Variants in CSNK1A1 observed in about 807,000 individuals in gnomAD.
CSNK1A1 encodes the protein casein kinase I isoform alpha.
CSNK1A1 carries 7 observed loss-of-function variants against 46.1 expected under a neutral mutation model. The ratio of observed to expected loss-of-function variants is 0.15; its 90% CI spans 0.09 to 0.29. The LOEUF (loss-of-function observed/expected upper bound fraction) is 0.29, where lower values mean the gene tolerates loss of function less well. CSNK1A1 is among the 10% of genes least tolerant of loss of function. The probability of loss-of-function intolerance (pLI) is 1.00; values close to 1 mark genes in which losing one functional copy is unlikely to be tolerated. For synonymous variants in CSNK1A1, 137 were observed against 141.5 expected (o/e 0.97, Z 0.23); for missense variants, 96 against 417.1 (o/e 0.23, Z 6.71).
intron 2 of CSNK1A1, among the ~76,000 whole-genome samples, chr5:149,534,307 C>A (rs571018145): frequency 1.1e-3 from 171 of 151,892 alleles, no homozygotes; most frequent in African/African-American, 4.0e-3. Flanking sequence ...CATGGTGAAA[C>A]CCCGTCTCTA....
chr5:149,497,407 C>A (rs1212626207), intron 9 of CSNK1A1: 1 of 985,732 alleles, frequency 1.0e-6, no homozygotes, highest in Non-Finnish European at 1.2e-6. Flanking sequence ...CTTTACCGGC[C>A]GCATTAGAAA....
intron 9 of CSNK1A1, chr5:149,498,453 T>C (rs1760724825): frequency 4.1e-6 from 4 of 985,386 alleles, no homozygotes; most frequent in Non-Finnish European, 4.8e-6. Flanking sequence ...TTAATAAAAA[T>C]CTGACTATAC....
intron 5 of CSNK1A1, 90 bp downstream of exon 5, chr5:149,512,980 C>T (rs2113092108): frequency 6.9e-7 from 1 of 1,459,506 alleles, no homozygotes; most frequent in Non-Finnish European, 9.4e-7. Context: ...AAGAAACATC[C>T]TTAGACATTG....
chr5:149,522,295 A>G (rs916660182), intron 3 of CSNK1A1, among the ~76,000 whole-genome samples: 5 of 151,646 alleles, frequency 3.3e-5, no homozygotes, highest in African/African-American at 4.8e-5. Context: ...TTTTTTGTGG[A>G]AAGGGGGGTA....
At chr5:149,506,968 G>C (rs1761053471) in intron 8 of CSNK1A1, 59 bp downstream of exon 8, 1 of 1,303,518 alleles carries the variant, frequency 7.7e-7, no homozygotes, top group African/African-American at 1.5e-5. Context: ...AATTTGTTAG[G>C]TAAATTTAAC....
At chr5:149,513,852 AC>A (rs1480384029) in intron 4 of CSNK1A1, among the ~76,000 whole-genome samples, 1 of 151,480 alleles carries the variant, frequency 6.6e-6, no homozygotes, top group Non-Finnish European at 1.5e-5. Context: ...GTGAGCCAAG[AC>A]CGCGTCACTG....
chr5:149,513,271 T>C (rs1015568286), intron 4 of CSNK1A1, 62 bp from the exon 5 acceptor site: 2 of 1,446,956 alleles, frequency 1.4e-6, no homozygotes, highest in South Asian at 2.5e-5. Context: ...CTGCGTCTTA[T>C]TCATTAAATG....
chr5:149,502,883 C>T, intron 9 of CSNK1A1: 3 of 620,894 alleles, frequency 4.8e-6, no homozygotes, highest in Non-Finnish European at 4.0e-6. Context: ...ATTCTCCTGC[C>T]TCAGCCTCCC....
chr5:149,514,200 T>C (rs1341206021), intron 4 of CSNK1A1, among the ~76,000 whole-genome samples: 2 of 152,156 alleles, frequency 1.3e-5, no homozygotes, highest in East Asian at 3.9e-4. Flanking sequence ...CAAAAACTAG[T>C]GTTTAGAACA....
In CSNK1A1 at chr5:149,551,046, G is replaced by C; in HGVS notation, c.-82C>G. The C allele has an allele frequency of 1.3e-6, 2 of 1,515,504 alleles. No homozygotes were observed. The highest frequency in any genetic ancestry group is 1.8e-6 in the Non-Finnish European group (2 of 1,106,476). 93.9% of individuals were successfully genotyped at this position (1,515,504 alleles called of 1,614,324 possible). A position where few individuals can be genotyped will look rare whatever the true frequency, so the allele number is the denominator to read the frequency against. The stretch of plus-strand genomic sequence containing the variant: ...GGAGGCCTCGGGGCTCCTACACTAG[G>C]CAAGGCTACGGAGGAGGGCGGCAGG... On this transcript the variant is annotated 5_prime_UTR_variant, in exon 1 of 10. Transcript: ENST00000377843.
intron 6 of CSNK1A1, among the ~76,000 whole-genome samples, chr5:149,510,540 C>T (rs1311217830): frequency 1.3e-5 from 2 of 152,052 alleles, no homozygotes; most frequent in Non-Finnish European, 1.5e-5. Flanking sequence ...TGCAGTGGCT[C>T]GATTATAGCT....
At chr5:149,502,654 C>A (rs1400471255) in intron 9 of CSNK1A1, 46 of 982,336 alleles carry the variant, frequency 4.7e-5, no homozygotes, top group Non-Finnish European at 5.3e-5. Flanking sequence ...GAATAACAGG[C>A]ATGAGCCACT....
intron 6 of CSNK1A1, 134 bp downstream of exon 6, chr5:149,511,660 A>C: frequency 1.6e-6 from 1 of 644,404 alleles, no homozygotes; most frequent in Admixed American, 3.4e-5. Context: ...AAAGGTAAAA[A>C]GTAAATTAAG....
At chr5:149,518,060 T>C (rs1172808912) in intron 4 of CSNK1A1, among the ~76,000 whole-genome samples, 2 of 152,180 alleles carry the variant, frequency 1.3e-5, no homozygotes, top group Non-Finnish European at 2.9e-5. Flanking sequence ...TCAAGAACAT[T>C]TGAATTCTGG....
rs934682265 is a variant in CSNK1A1, at chr5:149,499,276, G to A, written c.1007-2416C>T. The A allele has an allele frequency of 5.8e-5, 45 of 774,640 alleles. No individual in the cohort carries two copies. In the African/African-American group the frequency reaches 8.9e-4, roughly 15 times the overall value. The allele number at this position is 774,640 out of a possible 1,614,324, so 48.0% of individuals were successfully genotyped here. On this transcript the variant is annotated intron_variant, in intron 9 of 9. Transcript: ENST00000377843. ...TCACTGTAACATCAGTTAAAATGAG[G>A]AATGAATCCCTTTATTCCTTAAAAA... is the stretch of plus-strand genomic sequence containing the variant.
At chr5:149,520,145 T>C (rs1761524845) in intron 4 of CSNK1A1, 145 bp downstream of exon 4, 2 of 532,320 alleles carry the variant, frequency 3.8e-6, no homozygotes, top group Non-Finnish European at 6.7e-6. Context: ...AGTTAGCTGA[T>C]TATCCTCATA....
chr5:149,496,923 C>A, intron 9 of CSNK1A1, 63 bp from the exon 10 acceptor site: 1 of 1,522,520 alleles, frequency 6.6e-7, no homozygotes, highest in South Asian at 1.2e-5. Flanking sequence ...AAATTACACC[C>A]AAAATATGGA....
rs1312728415 is a variant in CSNK1A1, at chr5:149,495,462, AAAG to A, written c.*1388_*1390del. The A allele has an allele frequency of 9.8e-5, 15 of 152,308 alleles. No individual in the cohort carries two copies. Among genetic ancestry groups the A allele is most frequent in the South Asian group, 4.1e-4 (2 of 4,828 alleles). 9.4% of individuals were successfully genotyped at this position (152,308 alleles called of 1,614,324 possible). ...GTCAGAGAAAAAGAAATGAGCGTGC[AAAG>A]AAGATTGAGAGGAAGCGCACGCACA... is the stretch of plus-strand genomic sequence containing the variant. On this transcript the variant is annotated 3_prime_UTR_variant, in exon 10 of 10. Transcript: ENST00000377843.
At chr5:149,512,114 G>T (rs996902888) in intron 5 of CSNK1A1, among the ~76,000 whole-genome samples, 1 of 151,602 alleles carries the variant, frequency 6.6e-6, no homozygotes, top group Admixed American at 6.6e-5. Context: ...AATTTTAAAA[G>T]AACAGAAACG....
Sources: gnomAD v4.1 joint callset for allele counts (sites outside exome capture counted in the v4.1 genomes callset) on GRCh38, gnomAD v4.1.1 for gene constraint, MANE v1.5 for transcripts, NCBI Gene and HGNC (gene_info 2026-07-23, HGNC 2026-07-21) for gene names.